Variants in VIT observed in about 807,000 individuals in gnomAD.
VIT encodes the protein vitrin.
A neutral mutation model predicts 78.0 loss-of-function variants in VIT; 99 were observed. The ratio of observed to expected loss-of-function variants is 1.27; its 90% CI spans 1.08 to 1.50. VIT has a LOEUF of 1.50. Among genes scored for constraint, VIT ranks in the 40% most tolerant of loss-of-function variants. The pLI is 0.00. For synonymous variants in VIT, 374 were observed against 334.3 expected (o/e 1.12, Z -1.29); for missense variants, 1,126 against 875.3 (o/e 1.29, Z -3.61).
intron 12 of VIT, among the ~76,000 whole-genome samples, chr2:36,799,560 A>G (rs1372280156): frequency 6.6e-6 from 1 of 152,148 alleles, no homozygotes; most frequent in East Asian, 1.9e-4. Flanking sequence ...TTTACAAAAA[A>G]TGAAAAAATT....
In VIT at chr2:36,806,730, TA is replaced by T. The variant is rs533767361; in HGVS notation, c.1389+1067del. Among the ~76,000 whole-genome samples, 14 of 152,068 alleles carry T rather than the reference TA, an allele frequency of 9.2e-5. No homozygotes were observed. In the South Asian group the frequency reaches 2.7e-3, roughly 29 times the overall value. On this transcript the variant is annotated intron_variant, in intron 14 of 15. Transcript: ENST00000379242. ...CCCAGCTAGTTTTTTTATTTTATTT[TA>T]TTTTTTTATTTTTAGTAGAGATGGG... is the stretch of plus-strand genomic sequence containing the variant.
In VIT at chr2:36,743,085, A is replaced by G. The variant is rs376722932; in HGVS notation, c.119-15A>G. The G allele has an allele frequency of 1.1e-5, 18 of 1,613,656 alleles. No individual in the cohort carries two copies. In the African/African-American group the frequency reaches 2.3e-4, roughly 20 times the overall value. Reference sequence around the variant, plus strand: ...TAGCACAAGGTGTAATTTTGACCTCATTTTGTATTCCCAGCTGTGCCTCAG... The same window carrying G: ...TAGCACAAGGTGTAATTTTGACCTCGTTTTGTATTCCCAGCTGTGCCTCAG... On this transcript the variant is annotated splice_polypyrimidine_tract_variant and intron_variant, in intron 3 of 15. Coordinates refer to ENST00000379242, the MANE Select transcript of VIT (RefSeq NM_053276.4).
intron 3 of VIT, among the ~76,000 whole-genome samples, chr2:36,740,615 G>C (rs1322494992): frequency 6.6e-6 from 1 of 151,974 alleles, no homozygotes; most frequent in Non-Finnish European, 1.5e-5. Context: ...TTCCCCCGTG[G>C]GACAAATTAA....
At chr2:36,800,181 C>A (rs1280856004) in intron 12 of VIT, among the ~76,000 whole-genome samples, 2 of 152,052 alleles carry the variant, frequency 1.3e-5, no homozygotes, top group African/African-American at 4.8e-5. Flanking sequence ...CCTGTCTCTA[C>A]TAAAAATACA....
intron 4 of VIT, among the ~76,000 whole-genome samples, chr2:36,754,491 C>T (rs548286211): frequency 6.6e-6 from 1 of 152,114 alleles, no homozygotes; most frequent in African/African-American, 2.4e-5. Context: ...CAGCTTTCCT[C>T]CCTGACCCAA....
At chr2:36,699,655 T>TAGAC (rs1664920279) in intron 1 of VIT, among the ~76,000 whole-genome samples, 1 of 151,506 alleles carries the variant, frequency 6.6e-6, no homozygotes, top group Admixed American at 6.6e-5. Flanking sequence ...GATAGATAGA[T>TAGAC]AGATAGATAG....
intron 15 of VIT, among the ~76,000 whole-genome samples, chr2:36,813,403 C>G (rs557485202): frequency 6.6e-6 from 1 of 152,206 alleles, no homozygotes; most frequent in Non-Finnish European, 1.5e-5. Context: ...GAGTGGAGGT[C>G]ACACCATTGC....
intron 1 of VIT, among the ~76,000 whole-genome samples, chr2:36,707,516 G>C (rs1558502556): frequency 3.9e-5 from 6 of 152,220 alleles, no homozygotes; most frequent in Admixed American, 2.0e-4. Context: ...TGGTGCTGAT[G>C]GGCCCAAGCC....
chr2:36,760,991 T>C (rs1381944348), intron 6 of VIT, among the ~76,000 whole-genome samples: 1 of 151,616 alleles, frequency 6.6e-6, no homozygotes, highest in Non-Finnish European at 1.5e-5. Context: ...GCAGAAACAG[T>C]CCCCAGGTTC....
chr2:36,715,881 T>A (rs775598823), intron 1 of VIT, among the ~76,000 whole-genome samples: 3 of 152,248 alleles, frequency 2.0e-5, no homozygotes, highest in Non-Finnish European at 4.4e-5. Context: ...TGTAAGTCTT[T>A]CAAGGGTGAG....
intron 3 of VIT, among the ~76,000 whole-genome samples, chr2:36,734,617 T>C (rs1291448733): frequency 1.3e-5 from 2 of 152,186 alleles, no homozygotes; most frequent in African/African-American, 2.4e-5. Flanking sequence ...ATAACTGTCT[T>C]CCTTGGACTT....
At chr2:36,771,304 C>T (rs570284603) in intron 7 of VIT, among the ~76,000 whole-genome samples, 22 of 152,160 alleles carry the variant, frequency 1.4e-4, no homozygotes, top group East Asian at 1.4e-3. Context: ...CCAAGGCGGG[C>T]GGATCACGAG....
chr2:36,767,885 T>G (rs1237530300), intron 7 of VIT, among the ~76,000 whole-genome samples: 1 of 152,236 alleles, frequency 6.6e-6, no homozygotes, highest in Non-Finnish European at 1.5e-5. Flanking sequence ...AATAAGCATC[T>G]ATCTCACTTC....
intron 13 of VIT, 96 bp from the exon 14 acceptor site, chr2:36,805,342 A>T: frequency 1.1e-3 from 816 of 746,700 alleles, no homozygotes; most frequent in Non-Finnish European, 1.5e-3. Context: ...GGAGGGAATG[A>T]GTGTATTTTT....
At chr2:36,747,438 A>G (rs1193560301) in intron 4 of VIT, among the ~76,000 whole-genome samples, 2 of 152,170 alleles carry the variant, frequency 1.3e-5, no homozygotes, top group African/African-American at 4.8e-5. Flanking sequence ...AAGCCTTTCC[A>G]TGGGACTAGA....
intron 1 of VIT, among the ~76,000 whole-genome samples, chr2:36,711,978 G>A (rs928074844): frequency 7.9e-5 from 12 of 152,066 alleles, no homozygotes; most frequent in Non-Finnish European, 1.2e-4. Flanking sequence ...TCTTTTGGAA[G>A]CCCCTATTGT....
rs150977918 is a variant in VIT at position 36,715,796 on chromosome 2, T to A, written c.-18-557T>A. On this transcript the variant is annotated intron_variant, in intron 1 of 15. Transcript: ENST00000379242. ...ACAAACTTCCCCTTATACTCTCTTA[T>A]GAGGCCTTAACATTCTCTTATGCAA... 1.5e-3 allele frequency among the ~76,000 whole-genome samples: 232 copies of A among 152,328 alleles called. 1 individual carries two copies. Among genetic ancestry groups the A allele is most frequent in the African/African-American group, 5.5e-3 (227 of 41,576 alleles).
chr2:36,776,042 T>A (rs1249585247), intron 9 of VIT, among the ~76,000 whole-genome samples: 1 of 152,230 alleles, frequency 6.6e-6, no homozygotes, highest in Non-Finnish European at 1.5e-5. Flanking sequence ...GTACATCTGG[T>A]CTAACTTCTC....
At chr2:36,809,297 C>A (rs1356592545) in intron 15 of VIT, among the ~76,000 whole-genome samples, 1 of 152,184 alleles carries the variant, frequency 6.6e-6, no homozygotes, top group African/African-American at 2.4e-5. Flanking sequence ...GAGCATGATA[C>A]ATTAAAAGGG....
Sources: allele counts gnomAD v4.1 joint callset (sites outside exome capture counted in the v4.1 genomes callset), GRCh38; gene constraint gnomAD v4.1.1; transcripts MANE v1.5; gene names NCBI Gene and HGNC (gene_info 2026-07-23, HGNC 2026-07-21).